Variants in ITGA9 observed in about 807,000 individuals in gnomAD.
ITGA9 encodes the protein integrin subunit alpha 9.
A neutral mutation model predicts 127.8 loss-of-function variants in ITGA9; 56 were observed. The ratio of observed to expected loss-of-function variants is 0.44; its 90% confidence interval spans 0.35 to 0.55. The LOEUF is 0.55. ITGA9 is among the 20% of genes least tolerant of loss of function. The pLI is 0.00. For missense variants in ITGA9, 1,196 were observed against 1,347.1 expected (o/e 0.89, Z 1.76); for synonymous variants, 508 against 514.5 (o/e 0.99, Z 0.17).
chr3:37,629,519 A>T lies in ITGA9; in HGVS notation c.1839+183A>T. Reference sequence around the variant, plus strand: ...GATAAAATAAACAGTCTTAGGGGTTACTTGTGACTACTGTGGGACTTAAAC... The same window carrying T: ...GATAAAATAAACAGTCTTAGGGGTTTCTTGTGACTACTGTGGGACTTAAAC... On this transcript the variant is annotated intron_variant, in intron 16 of 27. Transcript: ENST00000264741. The surrounding 1 kb of genome is among the most constrained non-coding windows in gnomAD (Gnocchi z 4.5). The T allele has an allele frequency of 1.4e-6, 1 of 690,242 alleles. No homozygotes were observed. The allele number at this position is 690,242 out of a possible 1,614,324, so 42.8% of individuals were successfully genotyped here. A position where few individuals can be genotyped will look rare whatever the true frequency, so the allele number is the denominator to read the frequency against.
At chr3:37,707,678 T>G (rs1255600718) in intron 18 of ITGA9, among the ~76,000 whole-genome samples, 1 of 152,248 alleles carries the variant, frequency 6.6e-6, no homozygotes, top group Non-Finnish European at 1.5e-5. Flanking sequence ...CTTGAGCACA[T>G]GATCTCACCA....
At chr3:37,523,697 C>T in intron 12 of ITGA9, 86 bp downstream of exon 12, 1 of 958,700 alleles carries the variant, frequency 1.0e-6, no homozygotes, top group East Asian at 2.4e-5. Context: ...TAGCAATCAT[C>T]ACATCCATTT....
At chr3:37,752,396 C>G (rs1302206676) in intron 23 of ITGA9, among the ~76,000 whole-genome samples, 1 of 152,194 alleles carries the variant, frequency 6.6e-6, no homozygotes, top group Non-Finnish European at 1.5e-5. Flanking sequence ...TCCCCACCCC[C>G]ACTCTCAGCC....
At chr3:37,690,679 C>A (rs1037134945) in intron 18 of ITGA9, among the ~76,000 whole-genome samples, 2 of 152,134 alleles carry the variant, frequency 1.3e-5, no homozygotes. Flanking sequence ...TAGAGGAGGC[C>A]ATGCTAGGAG....
intron 15 of ITGA9, among the ~76,000 whole-genome samples, chr3:37,616,632 A>T (rs1443058305): frequency 6.6e-6 from 1 of 152,162 alleles, no homozygotes; most frequent in Non-Finnish European, 1.5e-5. Flanking sequence ...GGCTTGCTTT[A>T]TGAATCTGGG....
chr3:37,654,467 T>C lies in ITGA9; in HGVS notation c.1916+677T>C, dbSNP rs1700458809. ...AGGTGCTGGTCCTGATCATTTAGCC[T>C]CATTTCACAGAATGGCTTCCTTTTG... On this transcript the variant is annotated intron_variant, in intron 17 of 27. Transcript: ENST00000264741. Among the ~76,000 whole-genome samples, 4 of 152,236 alleles carry C rather than the reference T, an allele frequency of 2.6e-5. No homozygotes were observed. The South Asian group carries it at 8.3e-4, about 31-fold the overall frequency.
chr3:37,530,994 A>G (rs749584398), intron 13 of ITGA9, among the ~76,000 whole-genome samples: 47 of 151,200 alleles, frequency 3.1e-4, no homozygotes, highest in South Asian at 8.4e-4. Context: ...CTTGTGATCC[A>G]CCCGCCTCAG....
At chr3:37,778,945 T>C (rs960931886) in intron 24 of ITGA9, among the ~76,000 whole-genome samples, 1 of 150,688 alleles carries the variant, frequency 6.6e-6, no homozygotes, top group African/African-American at 2.4e-5. Context: ...ACTTGTTAGA[T>C]GTAGTGATAC....
chr3:37,612,295 T>C (rs1048716350), intron 15 of ITGA9, among the ~76,000 whole-genome samples: 1 of 152,176 alleles, frequency 6.6e-6, no homozygotes, highest in African/African-American at 2.4e-5. Flanking sequence ...TACATAGAAT[T>C]ACAAAGAAAT....
At chr3:37,473,550 G>A (rs1349565069) in intron 3 of ITGA9, 90 bp downstream of exon 3, 2 of 890,780 alleles carry the variant, frequency 2.2e-6, no homozygotes, top group African/African-American at 3.3e-5. Context: ...GGTGACAAGT[G>A]CATGGCTTTG....
chr3:37,562,743 C>T (rs571917004), intron 15 of ITGA9, among the ~76,000 whole-genome samples: 1 of 152,254 alleles, frequency 6.6e-6, no homozygotes, highest in African/African-American at 2.4e-5. Flanking sequence ...GACATTTGTT[C>T]CTCTTTCATC....
intron 18 of ITGA9, among the ~76,000 whole-genome samples, chr3:37,688,413 A>T (rs1261802889): frequency 6.6e-6 from 1 of 152,238 alleles, no homozygotes; most frequent in Non-Finnish European, 1.5e-5. Flanking sequence ...AAATGTAAAA[A>T]AAAGTATTGC....
rs1389829965 is a variant in ITGA9, at chr3:37,523,508, T to C, written c.1237-13T>C. 6.2e-7 allele frequency: 1 copy of C among 1,607,134 alleles called. No individual in the cohort carries two copies. Among genetic ancestry groups the C allele is most frequent in the Non-Finnish European group, 8.5e-7 (1 of 1,173,688 alleles). ...CTTTTCCTGTGACTCCATTTCCCTA[T>C]TATCTGTTTCAGAAACTGTCTGGGC... On this transcript the variant is annotated splice_polypyrimidine_tract_variant and intron_variant, in intron 11 of 27. Transcript: ENST00000264741.
intron 15 of ITGA9, among the ~76,000 whole-genome samples, chr3:37,607,362 G>A (rs1253313347): frequency 6.6e-6 from 1 of 152,158 alleles, no homozygotes; most frequent in Non-Finnish European, 1.5e-5. Context: ...TTACTCAAGT[G>A]CAGATAGGGA....
At chr3:37,589,399 G>A (rs556434133) in intron 15 of ITGA9, among the ~76,000 whole-genome samples, 1 of 152,322 alleles carries the variant, frequency 6.6e-6, no homozygotes, top group South Asian at 2.1e-4. Context: ...CCATGCCATA[G>A]TGGAGCTAAC....
intron 18 of ITGA9, among the ~76,000 whole-genome samples, chr3:37,731,633 C>A (rs1401208784): frequency 6.6e-6 from 1 of 152,150 alleles, no homozygotes; most frequent in Admixed American, 6.5e-5. Context: ...GTTCCCAGCT[C>A]AATGAACTTT....
chr3:37,568,161 A>AT (rs1699566153), intron 15 of ITGA9, among the ~76,000 whole-genome samples: 2 of 152,232 alleles, frequency 1.3e-5, no homozygotes, highest in African/African-American at 4.8e-5. Flanking sequence ...CCAAACCTTA[A>AT]TTCTTGACTT....
intron 15 of ITGA9, among the ~76,000 whole-genome samples, chr3:37,586,539 A>G (rs115968331): frequency 0.025 from 3,818 of 152,364 alleles, 74 homozygotes; most frequent in Middle Eastern, 0.061. Context: ...AAGTTTCTGC[A>G]GCAGTTCTGC....
chr3:37,568,391 C>T (rs1052208818), intron 15 of ITGA9, among the ~76,000 whole-genome samples: 2 of 152,220 alleles, frequency 1.3e-5, no homozygotes, highest in African/African-American at 4.8e-5. Context: ...CTTCTGACAT[C>T]CCCTGGAGAC....
Sources: gnomAD v4.1 joint callset for allele counts (sites outside exome capture counted in the v4.1 genomes callset) on GRCh38, gnomAD v4.1.1 for gene constraint, Gnocchi (gnomAD v3.1) non-coding constraint, MANE v1.5 for transcripts, NCBI Gene and HGNC (gene_info 2026-07-23, HGNC 2026-07-21) for gene names.